The following SPRED3 variants were observed in gnomAD, a reference collection of about 807,000 sequenced individuals.
SPRED3 encodes the protein sprouty related EVH1 domain containing 3.
A neutral mutation model predicts 37.6 loss-of-function variants in SPRED3; 23 were observed. The ratio of observed to expected loss-of-function variants is 0.61; its 90% confidence interval spans 0.44 to 0.87. SPRED3 has a LOEUF of 0.87. SPRED3 is among the 40% of genes least tolerant of loss of function. The probability of loss-of-function intolerance (pLI) is 0.00; values close to 1 mark genes in which losing one functional copy is unlikely to be tolerated. For synonymous variants in SPRED3, 302 were observed against 279.6 expected (o/e 1.08, Z -0.80); for missense variants, 584 against 618.6 (o/e 0.94, Z 0.59).
chr19:38,393,244 T>C (rs1970854240), intron 4 of SPRED3, among the ~76,000 whole-genome samples: 1 of 152,144 alleles, frequency 6.6e-6, no homozygotes, highest in Admixed American at 6.5e-5. Flanking sequence ...ACTTAAGTAT[T>C]CCATTTAAAA....
chr19:38,394,286 T>G (rs373110925), intron 4 of SPRED3: 2 of 1,412,852 alleles, frequency 1.4e-6, no homozygotes. Context: ...GGAAGACGAT[T>G]AGATGTTCCT....
chr19:38,390,464 C>T lies in SPRED3; in HGVS notation c.162C>T (p.Arg54=), dbSNP rs750620996. 1 of 1,372,492 alleles carries T rather than the reference C, an allele frequency of 7.3e-7. No individual in the cohort carries two copies. The highest frequency in any genetic ancestry group is 1.9e-5 in the South Asian group (1 of 52,286). 85.0% of individuals were successfully genotyped at this position (1,372,492 alleles called of 1,614,324 possible). Reference sequence around the variant, plus strand: ...GGCACTACGTCATCCACGGGGAACGCCTCCGGGACCAGAAAGTGAGCCACC... The same window carrying T: ...GGCACTACGTCATCCACGGGGAACGTCTCCGGGACCAGAAAGTGAGCCACC... ...RQGHYVIHGE[R]LRDQKTTLEC... Residue 54 remains arginine, a synonymous_variant, in exon 2 of 6, where the codon CGC becomes CGT. Transcript: ENST00000691638.
intron 1 of SPRED3, among the ~76,000 whole-genome samples, chr19:38,389,381 C>T (rs917793455): frequency 5.9e-5 from 9 of 151,954 alleles, no homozygotes; most frequent in Non-Finnish European, 1.0e-4. Flanking sequence ...ACGCCAGGGT[C>T]CCTGTGCTGG....
In SPRED3 at chr19:38,395,778, C is replaced by G. The variant is rs914163811; in HGVS notation, c.866C>G (p.Pro289Arg). The change falls in exon 6 of 6, where the codon CCG (proline) becomes CGG (arginine). Residue 289 changes from proline (P) to arginine (R), a missense_variant. This residue lies in a region of SPRED3 where 310 missense variants were observed against 281.1 expected (regional missense o/e 1.10). Transcript: ENST00000691638. This position sits in a 1 kb window ranked among gnomAD's most constrained non-coding sequence, Gnocchi z 5.2. ...TCCTCTGCGCCTGCCAAGGCCTCCCCGGAAGCGGAGGAGGCAGCGCGCTGC... is the reference window on the plus strand; with the variant it reads ...TCCTCTGCGCCTGCCAAGGCCTCCCGGGAAGCGGAGGAGGCAGCGCGCTGC... ...GPSSAPAKAS[P>R]EAEEAARCVH... 2 of 1,462,358 alleles carry G rather than the reference C, an allele frequency of 1.4e-6. No homozygotes were observed. The highest frequency in any genetic ancestry group is 2.5e-5 in the Admixed American group (1 of 39,420). 90.6% of individuals were successfully genotyped at this position (1,462,358 alleles called of 1,614,324 possible). A position where few individuals can be genotyped will look rare whatever the true frequency, so the allele number is the denominator to read the frequency against.
chr19:38,388,820 G>T lies in SPRED3; in HGVS notation c.-5+13G>T, dbSNP rs1000495198. On this transcript the variant is annotated intron_variant, in intron 1 of 5. Transcript: ENST00000691638. ...CGGAGCCTCGCAGGCAGGTGCCGAG[G>T]GGGGCGAGGGGGCGGGGGCTGACAG... 12 of 397,576 alleles carry T rather than the reference G, an allele frequency of 3.0e-5. No individual in the cohort carries two copies. The highest frequency in any genetic ancestry group is 4.4e-6 in the Non-Finnish European group (1 of 225,476). The allele number at this position is 397,576 out of a possible 1,614,324, so 24.6% of individuals were successfully genotyped here. A position where few individuals can be genotyped will look rare whatever the true frequency, so the allele number is the denominator to read the frequency against.
At position 38,396,034 on chromosome 19, in the gene SPRED3, C is replaced by G. The variant is rs1970894011; in HGVS notation, c.1122C>G (p.Ser374=). 2.0e-5 allele frequency: 28 copies of G among 1,368,792 alleles called. No homozygotes were observed. Among genetic ancestry groups the G allele is most frequent in the Non-Finnish European group, 2.5e-5 (27 of 1,069,978 alleles). 84.8% of individuals were successfully genotyped at this position (1,368,792 alleles called of 1,614,324 possible). Residue 374 remains serine, a synonymous_variant, in exon 6 of 6, where the codon TCC becomes TCG. Coordinates refer to ENST00000691638, the MANE Select transcript of SPRED3 (RefSeq NM_001394336.1). ...GCTGGGCCGCGCTGGCCGCGCTCTCCCTGGCAGTGCCCTGCCTCTGCTGCT... is the reference window on the plus strand; with the variant it reads ...GCTGGGCCGCGCTGGCCGCGCTCTCGCTGGCAGTGCCCTGCCTCTGCTGCT... ...AARWAALAAL[S]LAVPCLCCYA...
Position 38,390,406 on chromosome 19 carries a change from G to C in SPRED3, c.104G>C (p.Arg35Pro). 1 of 1,390,162 alleles carries C rather than the reference G, an allele frequency of 7.2e-7. No homozygotes were observed. Among genetic ancestry groups the C allele is most frequent in the Non-Finnish European group, 9.4e-7 (1 of 1,068,228 alleles). The allele number at this position is 1,390,162 out of a possible 1,614,324, so 86.1% of individuals were successfully genotyped here. ...GLSQVSVCRVRGARPEGGARQ... is the reference protein window; with the variant it reads ...GLSQVSVCRVPGARPEGGARQ... ...AGCCAGGTGAGCGTGTGTCGGGTCC[G>C]AGGGGCCAGGCCCGAGGGGGGGGCC... The change falls in exon 2 of 6, where the codon CGA becomes CCA. Residue 35 changes from arginine (R) to proline (P), a missense_variant. Physicochemically the swap from Arg to Pro is moderately radical, Grantham distance 103. This residue lies in a region of SPRED3 where 88 missense variants were observed against 77.0 expected (regional missense o/e 1.14). Transcript: ENST00000691638.
rs1318197821 is a variant in SPRED3 at position 38,395,465 on chromosome 19, C to T, written c.568-15C>T. ...CTGGGATGGATTCTGATCTGTTTGTCCCTTCGTTCCGCAGAGCTACCCTCC... is the reference window on the plus strand; with the variant it reads ...CTGGGATGGATTCTGATCTGTTTGTTCCTTCGTTCCGCAGAGCTACCCTCC... On this transcript the variant is annotated splice_polypyrimidine_tract_variant and intron_variant, in intron 5 of 5. Transcript: ENST00000691638. This position sits in a 1 kb window ranked among gnomAD's most constrained non-coding sequence, Gnocchi z 5.2. 2.6e-5 allele frequency: 37 copies of T among 1,439,556 alleles called. No homozygotes were observed. The highest frequency in any genetic ancestry group is 3.2e-5 in the Non-Finnish European group (35 of 1,096,256). 89.2% of individuals were successfully genotyped at this position (1,439,556 alleles called of 1,614,324 possible).
chr19:38,392,246 C>T lies in SPRED3; in HGVS notation c.381C>T (p.Ser127=), dbSNP rs1364715362. The change falls in exon 4 of 6, where the codon TCC becomes TCT. Residue 127 remains serine (S), a synonymous_variant. Transcript: ENST00000691638. ...CCCCCTCCTCCTCCTCCTCCTCCTCCTCTCCTTCCCAGGATACTGCAGAGA... is the reference window on the plus strand; with the variant it reads ...CCCCCTCCTCCTCCTCCTCCTCCTCTTCTCCTTCCCAGGATACTGCAGAGA... ...SLTPSSSSSS[S]SPSQDTAETP... is the part of the protein sequence containing the mutation. 1.3e-6 allele frequency: 2 copies of T among 1,592,108 alleles called. No homozygotes were observed. Among genetic ancestry groups the T allele is most frequent in the Admixed American group, 1.8e-5 (1 of 56,942 alleles).
intron 4 of SPRED3, chr19:38,394,400 T>G: frequency 6.4e-7 from 1 of 1,568,928 alleles, no homozygotes. Flanking sequence ...CCCTTGACAG[T>G]GGCCCTAACC....
chr19:38,395,107 G>C lies in SPRED3; in HGVS notation c.567+321G>C, dbSNP rs919746141. Among the ~76,000 whole-genome samples, 13 of 152,140 alleles carry C rather than the reference G, an allele frequency of 8.5e-5. No individual in the cohort carries two copies. The East Asian group carries it at 9.6e-4, about 11-fold the overall frequency. ...CCTGGAAGAGGACTGTTAAATTCAC[G>C]GGGAGGGTGGGAGAGTCGGTACCCA... On this transcript the variant is annotated intron_variant, in intron 5 of 5. Transcript: ENST00000691638. The surrounding 1 kb of genome is among the most constrained non-coding windows in gnomAD (Gnocchi z 5.2).
At chr19:38,389,758 C>T (rs1398637207) in intron 1 of SPRED3, 1 of 109,612 alleles carries the variant, frequency 9.1e-6, no homozygotes, top group Non-Finnish European at 1.7e-5. Flanking sequence ...CATCCGGTCT[C>T]ATTCATAAAT....
Position 38,396,044 on chromosome 19 carries a change from C to T in SPRED3, c.1132C>T (p.Pro378Ser). 7.3e-7 allele frequency: 1 copy of T among 1,366,800 alleles called. No individual in the cohort carries two copies. The highest frequency in any genetic ancestry group is 9.4e-7 in the Non-Finnish European group (1 of 1,067,580). The allele number at this position is 1,366,800 out of a possible 1,614,324, so 84.7% of individuals were successfully genotyped here. ...GCTGGCCGCGCTCTCCCTGGCAGTG[C>T]CCTGCCTCTGCTGCTACGCGCCCCT... ...AALAALSLAV[P>S]CLCCYAPLRA... The change falls in exon 6 of 6, where the codon CCC (proline) becomes TCC (serine). Residue 378 changes from proline (P) to serine (S), a missense_variant. Transcript: ENST00000691638.
At chr19:38,391,613 C>T (rs1242882319) in intron 2 of SPRED3, among the ~76,000 whole-genome samples, 4 of 151,806 alleles carry the variant, frequency 2.6e-5, no homozygotes, top group East Asian at 3.9e-4. Flanking sequence ...TAAAATTGGG[C>T]GTAGCTGGGT....
intron 5 of SPRED3, 114 bp downstream of exon 5, chr19:38,394,900 G>A: frequency 7.4e-7 from 1 of 1,351,118 alleles, no homozygotes; most frequent in Non-Finnish European, 9.8e-7. Flanking sequence ...GGGGATGGCT[G>A]ACCTGATAAC....
rs1970897784 is a variant in SPRED3, at chr19:38,396,343, G to C, written c.*198G>C. 1 of 371,480 alleles carries C rather than the reference G, an allele frequency of 2.7e-6. No homozygotes were observed. The allele number at this position is 371,480 out of a possible 1,614,324, so 23.0% of individuals were successfully genotyped here. ...ACCCCAGCCCCAGCTTCATTGGGGT[G>C]TCTGTCTAAGAAGTCCCAGGCGTCC... On this transcript the variant is annotated 3_prime_UTR_variant, in exon 6 of 6. Transcript: ENST00000691638.
rs952770420 is a variant in SPRED3 at position 38,391,806 on chromosome 19, A to G, written c.178-140A>G. On this transcript the variant is annotated intron_variant, in intron 2 of 5. Transcript: ENST00000691638. ...CTGGGGAGTCGTATCAGTGTTGATC[A>G]GAGTTCAGGGTTACACTTAGGGTTG... 21 of 958,746 alleles carry G rather than the reference A, an allele frequency of 2.2e-5. No individual in the cohort carries two copies. In the African/African-American group the frequency reaches 2.8e-4, roughly 13 times the overall value. 59.4% of individuals were successfully genotyped at this position (958,746 alleles called of 1,614,324 possible). A position where few individuals can be genotyped will look rare whatever the true frequency, so the allele number is the denominator to read the frequency against.
At position 38,395,599 on chromosome 19, in the gene SPRED3, C is replaced by A; in HGVS notation, c.687C>A (p.Pro229=). The A allele has an allele frequency of 6.5e-7, 1 of 1,549,674 alleles. No homozygotes were observed. Among genetic ancestry groups the A allele is most frequent in the Non-Finnish European group, 8.7e-7 (1 of 1,153,224 alleles). The change falls in exon 6 of 6, where the codon CCC becomes CCA. Residue 229 remains proline (P), a synonymous_variant. Coordinates refer to ENST00000691638, the MANE Select transcript of SPRED3 (RefSeq NM_001394336.1). This position sits in a 1 kb window ranked among gnomAD's most constrained non-coding sequence, Gnocchi z 5.2. ...AGGATTACCGGCGCTCCGGGCCACCCGCGCCCCTCGCCCTGTCCACCTGCG... is the reference window on the plus strand; with the variant it reads ...AGGATTACCGGCGCTCCGGGCCACCAGCGCCCCTCGCCCTGTCCACCTGCG... ...GYEDYRRSGP[P]APLALSTCVV... is the part of the protein sequence containing the mutation.
chr19:38,396,780 C>G lies in SPRED3; in HGVS notation c.*635C>G, dbSNP rs1319318835. 3 of 152,208 alleles carry G rather than the reference C, an allele frequency of 2.0e-5. No individual in the cohort carries two copies. Among genetic ancestry groups the G allele is most frequent in the African/African-American group, 7.2e-5 (3 of 41,528 alleles). The allele number at this position is 152,208 out of a possible 1,614,324, so 9.4% of individuals were successfully genotyped here. A position where few individuals can be genotyped will look rare whatever the true frequency, so the allele number is the denominator to read the frequency against. On this transcript the variant is annotated 3_prime_UTR_variant, in exon 6 of 6. Transcript: ENST00000691638. Reference sequence around the variant, plus strand: ...TATGCTCTGGAATCTCCAGATGCTGCCCCTCAAATCTACCCACGACTTAGT... The same window carrying G: ...TATGCTCTGGAATCTCCAGATGCTGGCCCTCAAATCTACCCACGACTTAGT...
Sources: gnomAD v4.1 joint callset for allele counts (sites outside exome capture counted in the v4.1 genomes callset) on GRCh38, gnomAD v4.1.1 for gene constraint, gnomAD v4.1.1 regional missense constraint, Gnocchi (gnomAD v3.1) non-coding constraint, MANE v1.5 for transcripts, NCBI Gene and HGNC (gene_info 2026-07-23, HGNC 2026-07-21) for gene names.